The following KIF6 variants were observed in gnomAD, a reference collection of about 807,000 sequenced individuals.
KIF6 encodes the protein kinesin family member 6, also known as kinesin-like protein KIF6.
KIF6 carries 106 observed loss-of-function variants against 112.7 expected under a neutral mutation model. The observed-to-expected ratio is 0.94, with a 90% confidence interval of 0.80 to 1.11. KIF6 has a LOEUF of 1.11. Ranked by LOEUF, KIF6 falls within the 50% of genes least tolerant of loss-of-function variation. The pLI is 0.00. For synonymous variants in KIF6, 339 were observed against 339.9 expected, an observed-to-expected ratio of 1.00 and a Z score of 0.03; for missense variants, 929 against 964.0, an observed-to-expected ratio of 0.96 and a Z score of 0.48.
intron 13 of KIF6, among the ~76,000 whole-genome samples, chr6:39,488,994 A>G (rs1479430648): frequency 6.6e-6 from 1 of 152,176 alleles, no homozygotes; most frequent in Non-Finnish European, 1.5e-5. Context: ...GACAGCAGCC[A>G]TCTGATGTCT....
chr6:39,490,102 G>A (rs760898312), intron 13 of KIF6, among the ~76,000 whole-genome samples: 1 of 152,206 alleles, frequency 6.6e-6, no homozygotes, highest in Non-Finnish European at 1.5e-5. Flanking sequence ...GGCCATCAGA[G>A]TTCCTGCTTC....
rs569041180 is a variant in KIF6 at position 39,403,200 on chromosome 6, T to TA, written c.1810+16747dup. On this transcript the variant is annotated intron_variant, in intron 15 of 22. Coordinates refer to ENST00000287152, the MANE Select transcript of KIF6 (RefSeq NM_145027.6). ...ATTTTTTATTTATTATTAAATATGG[T>TA]AAAATTGACTTGGGAGCATGTGTGT... Among the ~76,000 whole-genome samples, 19 of 152,266 alleles carry TA rather than the reference T, an allele frequency of 1.2e-4. No homozygotes were observed. In the East Asian group the frequency reaches 1.5e-3, roughly 12 times the overall value.
At chr6:39,567,638 C>T (rs1040977085) in intron 10 of KIF6, among the ~76,000 whole-genome samples, 4 of 150,204 alleles carry the variant, frequency 2.7e-5, no homozygotes, top group African/African-American at 4.9e-5. Context: ...GACGGAGTCT[C>T]GCTCTGTCGC....
chr6:39,628,979 T>A (rs2150748850), intron 5 of KIF6, among the ~76,000 whole-genome samples: 1 of 152,264 alleles, frequency 6.6e-6, no homozygotes, highest in East Asian at 1.9e-4. Flanking sequence ...GCATTTACAT[T>A]TTCTCCATGT....
chr6:39,424,455 G>A (rs1220128066), intron 14 of KIF6, among the ~76,000 whole-genome samples: 1 of 152,096 alleles, frequency 6.6e-6, no homozygotes, highest in African/African-American at 2.4e-5. Flanking sequence ...TTTTCTCTGG[G>A]GCTTAGAACA....
intron 6 of KIF6, among the ~76,000 whole-genome samples, chr6:39,603,129 A>G (rs747633937): frequency 1.3e-5 from 2 of 152,188 alleles, no homozygotes; most frequent in Non-Finnish European, 2.9e-5. Context: ...CCACTGGGCT[A>G]CAAGTGAGTG....
intron 16 of KIF6, among the ~76,000 whole-genome samples, chr6:39,362,906 T>C (rs999383646): frequency 3.3e-5 from 5 of 152,182 alleles, no homozygotes; most frequent in African/African-American, 1.2e-4. Flanking sequence ...CCCAGCACTT[T>C]GGGAAGCCGA....
At chr6:39,615,042 C>A (rs1288748904) in intron 5 of KIF6, among the ~76,000 whole-genome samples, 1 of 152,046 alleles carries the variant, frequency 6.6e-6, no homozygotes, top group Non-Finnish European at 1.5e-5. Flanking sequence ...GGTGCAGTGG[C>A]TCAAGCTTGT....
At chr6:39,596,320 A>G (rs1782265748) in intron 6 of KIF6, 60 bp from the exon 7 acceptor site, 2 of 1,137,766 alleles carry the variant, frequency 1.8e-6, no homozygotes, top group Non-Finnish European at 2.6e-6. Flanking sequence ...AAGAATATCA[A>G]AAGATTTAAA....
At chr6:39,562,262 C>T (rs1780047692) in intron 10 of KIF6, among the ~76,000 whole-genome samples, 1 of 152,170 alleles carries the variant, frequency 6.6e-6, no homozygotes, top group Admixed American at 6.5e-5. Flanking sequence ...CAGTCAAAGA[C>T]AGTGGTGGAT....
At chr6:39,710,976 G>C (rs1789515354) in intron 3 of KIF6, among the ~76,000 whole-genome samples, 1 of 151,606 alleles carries the variant, frequency 6.6e-6, no homozygotes, top group African/African-American at 2.4e-5. Context: ...GCAGTGAGCT[G>C]TGATCATGCC....
chr6:39,675,441 A>C (rs1028300816), intron 3 of KIF6, among the ~76,000 whole-genome samples: 1 of 152,156 alleles, frequency 6.6e-6, no homozygotes, highest in Non-Finnish European at 1.5e-5. Flanking sequence ...CAATCACAGA[A>C]AGTAATATAA....
intron 9 of KIF6, among the ~76,000 whole-genome samples, chr6:39,581,645 A>T (rs1781302417): frequency 6.6e-6 from 1 of 152,002 alleles, no homozygotes; most frequent in South Asian, 2.1e-4. Flanking sequence ...ACATCTCCAT[A>T]TGGTAGTGGA....
intron 13 of KIF6, among the ~76,000 whole-genome samples, chr6:39,528,251 T>C (rs1777844958): frequency 6.6e-6 from 1 of 152,252 alleles, no homozygotes; most frequent in South Asian, 2.1e-4. Flanking sequence ...ATTAGTATAA[T>C]GATCCCCAGT....
At chr6:39,361,232 G>A (rs1034636463) in intron 17 of KIF6, among the ~76,000 whole-genome samples, 3 of 152,060 alleles carry the variant, frequency 2.0e-5, no homozygotes, top group East Asian at 1.9e-4. Flanking sequence ...TGGGCCAAGG[G>A]GACAAGATGA....
At chr6:39,723,151 A>G (rs1258545765) in intron 1 of KIF6, among the ~76,000 whole-genome samples, 2 of 152,226 alleles carry the variant, frequency 1.3e-5, no homozygotes, top group Non-Finnish European at 2.9e-5. Flanking sequence ...AATGCATGTA[A>G]GTGATTATTA....
At chr6:39,535,071 A>G (rs1225350487) in intron 13 of KIF6, among the ~76,000 whole-genome samples, 1 of 152,216 alleles carries the variant, frequency 6.6e-6, no homozygotes, top group South Asian at 2.1e-4. Flanking sequence ...AGCACTAAAC[A>G]TGGAAAGGAA....
At chr6:39,569,111 G>A (rs1185885680) in intron 10 of KIF6, among the ~76,000 whole-genome samples, 7 of 152,144 alleles carry the variant, frequency 4.6e-5, no homozygotes, top group Admixed American at 1.3e-4. Context: ...AACTTGTGGA[G>A]GATGAGTCAT....
At chr6:39,703,724 TG>T (rs1789018351) in intron 3 of KIF6, among the ~76,000 whole-genome samples, 1 of 152,212 alleles carries the variant, frequency 6.6e-6, no homozygotes, top group Admixed American at 6.5e-5. Context: ...GATCTGCAAG[TG>T]ATAAAGCACG....
Sources: allele counts gnomAD v4.1 joint callset (sites outside exome capture counted in the v4.1 genomes callset), GRCh38; gene constraint gnomAD v4.1.1; transcripts MANE v1.5; gene names NCBI Gene and HGNC (gene_info 2026-07-23, HGNC 2026-07-21).